KMT2C: variants seen among roughly 807,000 people sequenced by gnomAD.
The protein encoded by KMT2C is histone-lysine N-methyltransferase 2C.
In KMT2C, 88 loss-of-function variants were observed where a neutral mutation model predicts 507.9. That is an observed-to-expected ratio of 0.17 (90% CI 0.15 to 0.21). The LOEUF (loss-of-function observed/expected upper bound fraction) is 0.21. Ranked by LOEUF, KMT2C falls within the 10% of genes least tolerant of loss-of-function variation. The pLI, the probability that KMT2C is intolerant of heterozygous loss-of-function variation, is 1.00. For synonymous variants in KMT2C, 2,049 were observed against 2,080.8 expected, an observed-to-expected ratio of 0.98 and a Z score of 0.42; for missense variants, 4,954 against 5,957.8, an observed-to-expected ratio of 0.83 and a Z score of 5.55.
chr7:152,359,881 T>A (rs1384870047), intron 1 of KMT2C, among the ~76,000 whole-genome samples: 1 of 151,236 alleles, frequency 6.6e-6, no homozygotes, highest in East Asian at 2.0e-4. Flanking sequence ...AAACTCCGTC[T>A]CTACTAAAAA....
At chr7:152,300,480 G>T (rs1371671156) in intron 6 of KMT2C, among the ~76,000 whole-genome samples, 1 of 152,196 alleles carries the variant, frequency 6.6e-6, no homozygotes. Flanking sequence ...ATATGTTGTT[G>T]TATTTTCGTT....
chr7:152,392,877 T>A (rs2097510420), intron 1 of KMT2C, among the ~76,000 whole-genome samples: 1 of 152,028 alleles, frequency 6.6e-6, no homozygotes, highest in Admixed American at 6.6e-5. Context: ...AATAAGCCAG[T>A]TTATCAGCTT....
At chr7:152,397,234 T>C (rs568855141) in intron 1 of KMT2C, among the ~76,000 whole-genome samples, 6 of 152,034 alleles carry the variant, frequency 3.9e-5, no homozygotes, top group Non-Finnish European at 7.4e-5. Context: ...CTCACTCTGT[T>C]GCCCAGGTTG....
At chr7:152,320,126 C>T (rs962420171) in intron 3 of KMT2C, among the ~76,000 whole-genome samples, 9 of 152,156 alleles carry the variant, frequency 5.9e-5, no homozygotes, top group African/African-American at 9.7e-5. Flanking sequence ...ACCTGTGGGG[C>T]TGGACCCTAC....
At chr7:152,279,209 T>C (rs573173433) in intron 6 of KMT2C, among the ~76,000 whole-genome samples, 1 of 152,286 alleles carries the variant, frequency 6.6e-6, no homozygotes, top group African/African-American at 2.4e-5. Flanking sequence ...AATTTAAAAG[T>C]CCTTTCTATA....
chr7:152,371,827 T>C (rs908056848), intron 1 of KMT2C, among the ~76,000 whole-genome samples: 1 of 152,106 alleles, frequency 6.6e-6, no homozygotes. Flanking sequence ...TTGGCCATGC[T>C]GGTCTCGAAT....
intron 6 of KMT2C, among the ~76,000 whole-genome samples, chr7:152,297,055 C>CAGAAAGAGAG (rs1315629061): frequency 1.2e-5 from 1 of 84,404 alleles, no homozygotes; most frequent in African/African-American, 5.5e-5. Flanking sequence ...GAAAGAAAGA[C>CAGAAAGAGAG]AGAGAGAGAG....
intron 23 of KMT2C, among the ~76,000 whole-genome samples, chr7:152,219,430 T>C (rs2094695243): frequency 6.6e-6 from 1 of 152,130 alleles, no homozygotes; most frequent in South Asian, 2.1e-4. Flanking sequence ...ACATCTGACA[T>C]ACAGTAGATA....
At chr7:152,215,767 A>T (rs372666531) in intron 23 of KMT2C, among the ~76,000 whole-genome samples, 1 of 151,528 alleles carries the variant, frequency 6.6e-6, no homozygotes, top group Non-Finnish European at 1.5e-5. Context: ...TACATGCATA[A>T]AACACATCTG....
At chr7:152,224,649 T>C in intron 18 of KMT2C, 33 bp from the exon 19 acceptor site, 1 of 992,696 alleles carries the variant, frequency 1.0e-6, no homozygotes, top group Non-Finnish European at 1.6e-6. Context: ...ATGTGATTTA[T>C]GCATTAACCT....
At chr7:152,225,764 T>A (rs1476445460) in intron 18 of KMT2C, among the ~76,000 whole-genome samples, 1 of 152,186 alleles carries the variant, frequency 6.6e-6, no homozygotes, top group African/African-American at 2.4e-5. Context: ...AGGGAATGTC[T>A]AGAAGGAGGG....
Position 152,384,044 on chromosome 7 carries a change from C to CTGTGTG in KMT2C, c.162-25375_162-25370dup, listed in dbSNP as rs560853000. Among the ~76,000 whole-genome samples the CTGTGTG allele has an allele frequency of 8.5e-3, 1,275 of 149,870 alleles. 15 individuals carry two copies. The highest frequency in any genetic ancestry group is 0.03 in the African/African-American group (1,209 of 39,932). ...AGATCCGAGAGGCAGACATGTGTGT[C>CTGTGTG]TGTGTGTGTGTGCGTGTGTGTAGGC... On this transcript the variant is annotated intron_variant, in intron 1 of 58. Coordinates refer to ENST00000262189, the MANE Select transcript of KMT2C (RefSeq NM_170606.3).
In KMT2C at chr7:152,150,886, T is replaced by C; in HGVS notation, c.12774+14A>G. 1 of 1,541,966 alleles carries C rather than the reference T, an allele frequency of 6.5e-7. No individual in the cohort carries two copies. Among genetic ancestry groups the C allele is most frequent in the South Asian group, 1.1e-5 (1 of 89,362 alleles). The stretch of plus-strand genomic sequence containing the variant: ...GTTACACATTGTTATCAGCTGAGAT[T>C]ATCCTAATCTCACCTTGTTTTCTGA... On this transcript the variant is annotated intron_variant, in intron 51 of 58. Transcript: ENST00000262189.
intron 1 of KMT2C, among the ~76,000 whole-genome samples, chr7:152,374,427 C>T (rs1257940193): frequency 1.3e-5 from 2 of 151,812 alleles, no homozygotes; most frequent in African/African-American, 4.8e-5. Context: ...AGAAAAATAA[C>T]AAATACAGTC....
Position 152,171,359 on chromosome 7 carries a change from C to A in KMT2C, c.9375-17G>T. 1 of 1,544,470 alleles carries A rather than the reference C, an allele frequency of 6.5e-7. No homozygotes were observed. The highest frequency in any genetic ancestry group is 2.3e-5 in the East Asian group (1 of 44,056). On this transcript the variant is annotated splice_polypyrimidine_tract_variant and intron_variant, in intron 39 of 58. Transcript: ENST00000262189. ...AAAGGGAACCTGTCAAAACAGGGTA[C>A]ACAAGTATCAAGTGATGAGCGTTTA... is the stretch of plus-strand genomic sequence containing the variant.
Position 152,391,125 on chromosome 7 carries a change from CAG to C in KMT2C, c.162-32452_162-32451del, listed in dbSNP as rs376364037. 9.9e-3 allele frequency among the ~76,000 whole-genome samples: 943 copies of C among 94,908 alleles called. 27 individuals carry two copies. The highest frequency in any genetic ancestry group is 0.039 in the African/African-American group (907 of 23,044). The allele number at this position is 94,908 out of a possible 152,430, so 62.3% of individuals were successfully genotyped here. ...CACCACTGCACTCCAGCCTGGGCGA[CAG>C]AGTGAGACTGTCTCCAAAAAAAAAA... On this transcript the variant is annotated intron_variant, in intron 1 of 58. Coordinates refer to ENST00000262189, the MANE Select transcript of KMT2C (RefSeq NM_170606.3).
rs975744987 is a variant in KMT2C at position 152,183,069 on chromosome 7, T to C, written c.5170A>G (p.Ser1724Gly). The change falls in exon 35 of 59, where the codon AGC becomes GGC. Residue 1724 changes from serine to glycine, a missense_variant. Ser to Gly is a moderately conservative substitution (Grantham distance 56). Around this residue, in one of 29 missense-constraint regions of KMT2C, gnomAD observed 58 missense variants for 63.3 expected, o/e 0.92. Transcript: ENST00000262189. Reference sequence around the variant, plus strand: ...TCAATACGAGAGCTGGGATCAATGCTATCTTGCTGTTGCTGCCTTTTCATG... The same window carrying C: ...TCAATACGAGAGCTGGGATCAATGCCATCTTGCTGTTGCTGCCTTTTCATG... ...DSMKRQQQQD[S>G]IDPSSRIDSE... is the part of the protein sequence containing the mutation. 6.2e-7 allele frequency: 1 copy of C among 1,613,118 alleles called. No homozygotes were observed. Among genetic ancestry groups the C allele is most frequent in the African/African-American group, 1.3e-5 (1 of 75,002 alleles).
rs1239383305 is a variant in KMT2C, at chr7:152,248,599, T to G, written c.1835A>C (p.Asn612Thr). Reference sequence around the variant, plus strand: ...AGAAATCTGTTTTTCCAATTCAGTATTCACTGTATGTTGGGATGATACTAC... The same window carrying G: ...AGAAATCTGTTTTTCCAATTCAGTAGTCACTGTATGTTGGGATGATACTAC... ...LIAVSSQHTV[N>T]TELEKQISNE... The change falls in exon 14 of 59, where the codon AAT (asparagine) becomes ACT (threonine). Residue 612 changes from asparagine (N) to threonine (T), a missense_variant. Around this residue, in one of 29 missense-constraint regions of KMT2C, gnomAD observed 376 missense variants for 352.4 expected, o/e 1.07. Coordinates refer to ENST00000262189, the MANE Select transcript of KMT2C (RefSeq NM_170606.3). 2 of 1,610,678 alleles carry G rather than the reference T, an allele frequency of 1.2e-6. No individual in the cohort carries two copies. Among genetic ancestry groups the G allele is most frequent in the Admixed American group, 1.7e-5 (1 of 59,886 alleles).
At chr7:152,353,279 G>T (rs1323513721) in intron 2 of KMT2C, among the ~76,000 whole-genome samples, 1 of 152,174 alleles carries the variant, frequency 6.6e-6, no homozygotes, top group Non-Finnish European at 1.5e-5. Flanking sequence ...AAAAAAATTA[G>T]CCAGGCATGG....
Sources: gnomAD v4.1 joint callset for allele counts (sites outside exome capture counted in the v4.1 genomes callset) on GRCh38, gnomAD v4.1.1 for gene constraint, gnomAD v4.1.1 regional missense constraint, MANE v1.5 for transcripts, NCBI Gene and HGNC (gene_info 2026-07-23, HGNC 2026-07-21) for gene names.